Variants in SEMA5B observed in about 807,000 individuals in gnomAD.
The protein encoded by SEMA5B is semaphorin 5B, also known as semaphorin-5B.
A neutral mutation model predicts 135.0 loss-of-function variants in SEMA5B; 66 were observed. That is an observed-to-expected ratio of 0.49 (90% CI 0.40 to 0.60). The LOEUF (loss-of-function observed/expected upper bound fraction) is 0.60, where lower values mean the gene tolerates loss of function less well. SEMA5B is among the 20% of genes least tolerant of loss of function. The pLI, the probability that SEMA5B is intolerant of heterozygous loss-of-function variation, is 0.00. For missense variants in SEMA5B, 1,501 were observed against 1,566.3 expected (o/e 0.96, Z 0.70); for synonymous variants, 690 against 639.5 (o/e 1.08, Z -1.19).
intron 12 of SEMA5B, among the ~76,000 whole-genome samples, chr3:122,919,466 A>G (rs1056430375): frequency 5.5e-4 from 84 of 152,144 alleles, no homozygotes; most frequent in African/African-American, 2.0e-3. Flanking sequence ...GAAAAGAGGC[A>G]GTTGGAGATA....
chr3:122,949,311 G>A (rs545756067), intron 2 of SEMA5B, among the ~76,000 whole-genome samples: 4 of 152,240 alleles, frequency 2.6e-5, no homozygotes, highest in African/African-American at 9.6e-5. Flanking sequence ...TAAGGAAAAT[G>A]ACAAACTAGA....
At chr3:122,968,418 C>T (rs1381610660) in intron 1 of SEMA5B, among the ~76,000 whole-genome samples, 1 of 152,148 alleles carries the variant, frequency 6.6e-6, no homozygotes, top group African/African-American at 2.4e-5. Flanking sequence ...AGGCAATGAA[C>T]CTGAGTCAGA....
Position 122,913,012 on chromosome 3 carries a change from C to T in SEMA5B, c.2556G>A (p.Val852=). 6.2e-7 allele frequency: 1 copy of T among 1,600,864 alleles called. No homozygotes were observed. Among genetic ancestry groups the T allele is most frequent in the Non-Finnish European group, 8.5e-7 (1 of 1,174,088 alleles). Reference sequence around the variant, plus strand: ...GGCCCCAGGCGGCCCAGCCCCCGCTCACCGTGTGCGGGGAGGTGCTCCCGC... The same window carrying T: ...GGCCCCAGGCGGCCCAGCCCCCGCTTACCGTGTGCGGGGAGGTGCTCCCGC... ...LRSGSTSPHT[V]SGGWAAWGPW... is the part of the protein sequence containing the mutation. The change falls in exon 18 of 23, where the codon GTG becomes GTA. Residue 852 remains valine (V), a synonymous_variant. Coordinates refer to ENST00000357599, the MANE Select transcript of SEMA5B (RefSeq NM_001031702.4).
intron 2 of SEMA5B, among the ~76,000 whole-genome samples, chr3:122,954,475 G>A (rs940235886): frequency 7.9e-5 from 12 of 152,192 alleles, no homozygotes; most frequent in Non-Finnish European, 1.0e-4. Flanking sequence ...GTCTGTCCTC[G>A]CCTTCCTCCT....
chr3:122,946,017 A>C (rs987408524), intron 3 of SEMA5B, among the ~76,000 whole-genome samples: 3 of 152,196 alleles, frequency 2.0e-5, no homozygotes, highest in Non-Finnish European at 4.4e-5. Flanking sequence ...CAAGGGGACC[A>C]GAGGGAAGGC....
At chr3:122,911,386 A>C in intron 21 of SEMA5B, 105 bp downstream of exon 21, 1 of 1,555,188 alleles carries the variant, frequency 6.4e-7, no homozygotes, top group Non-Finnish European at 8.7e-7. Flanking sequence ...GGACCCCAAC[A>C]AAGCTTGGCT....
chr3:122,929,768 C>T (rs567473085), intron 5 of SEMA5B, among the ~76,000 whole-genome samples: 9 of 152,318 alleles, frequency 5.9e-5, no homozygotes, highest in East Asian at 5.8e-4. Flanking sequence ...CATGCTCTGC[C>T]GTGGGGTAAT....
chr3:122,948,461 G>T, intron 3 of SEMA5B, 45 bp downstream of exon 3: 1 of 1,525,572 alleles, frequency 6.6e-7, no homozygotes, highest in Non-Finnish European at 9.0e-7. Flanking sequence ...AGTCCTTCAG[G>T]ACACGGCCAT....
chr3:123,019,833 A>C (rs1364910379), intron 1 of SEMA5B, among the ~76,000 whole-genome samples: 4 of 152,176 alleles, frequency 2.6e-5, no homozygotes, highest in Non-Finnish European at 5.9e-5. Flanking sequence ...AAGGGAGCCT[A>C]GGAGTTCCTA....
At chr3:122,911,073 T>C in intron 21 of SEMA5B, 28 bp from the exon 22 acceptor site, 1 of 1,567,540 alleles carries the variant, frequency 6.4e-7, no homozygotes, top group Non-Finnish European at 8.7e-7. Flanking sequence ...GGTAGTAAGA[T>C]GAGGGCCACT....
chr3:122,922,461 C>G lies in SEMA5B; in HGVS notation c.1273-14G>C. 1.9e-6 allele frequency: 3 copies of G among 1,576,162 alleles called. No individual in the cohort carries two copies. In the South Asian group the frequency reaches 3.4e-5, roughly 18 times the overall value. On this transcript the variant is annotated splice_polypyrimidine_tract_variant and intron_variant, in intron 10 of 22. Coordinates refer to ENST00000357599, the MANE Select transcript of SEMA5B (RefSeq NM_001031702.4). ...CAGGGTGCCACACTGCCGCGGGGAGCCAGGTCACGCGCGCCCCGGCCACCA... is the reference window on the plus strand; with the variant it reads ...CAGGGTGCCACACTGCCGCGGGGAGGCAGGTCACGCGCGCCCCGGCCACCA...
At chr3:122,921,551 G>C (rs942749300) in intron 12 of SEMA5B, among the ~76,000 whole-genome samples, 1 of 152,178 alleles carries the variant, frequency 6.6e-6, no homozygotes, top group African/African-American at 2.4e-5. Context: ...TGGCTTCAAA[G>C]ATAAAGAACT....
intron 1 of SEMA5B, among the ~76,000 whole-genome samples, chr3:123,017,909 C>T (rs990573836): frequency 6.8e-6 from 1 of 148,056 alleles, no homozygotes; most frequent in Admixed American, 6.7e-5. Flanking sequence ...GAGACTCCAT[C>T]TCAAAAAAAG....
intron 2 of SEMA5B, among the ~76,000 whole-genome samples, chr3:122,952,987 C>T (rs1940125522): frequency 6.6e-6 from 1 of 152,230 alleles, no homozygotes; most frequent in South Asian, 2.1e-4. Flanking sequence ...GGTTCCCAAA[C>T]CCCCTTCCTA....
chr3:122,961,110 A>T, intron 2 of SEMA5B, 30 bp downstream of exon 2: 1 of 1,575,594 alleles, frequency 6.3e-7, no homozygotes, highest in Non-Finnish European at 8.6e-7. Context: ...TACCTGCTGC[A>T]GCCCCCCACA....
rs1447682629 is a variant in SEMA5B at position 122,923,670 on chromosome 3, C to T, written c.1219G>A (p.Glu407Lys). Residue 407 changes from glutamate to lysine, a missense_variant, in exon 10 of 23, where the codon GAG (glutamate) becomes AAG (lysine). This residue lies in a region of SEMA5B where 574 missense variants were observed against 684.7 expected (regional missense o/e 0.84). Transcript: ENST00000357599. ...GGGAGCCAGGCAGCCCTGGGGTTCT[C>T]CTGGTAGCGAAATGGGCCATTGAAA... ...QAFNGPFRYQENPRAAWLPIA... is the reference protein window; with the variant it reads ...QAFNGPFRYQKNPRAAWLPIA... 1.9e-6 allele frequency: 3 copies of T among 1,613,942 alleles called. No homozygotes were observed. Among genetic ancestry groups the T allele is most frequent in the East Asian group, 2.2e-5 (1 of 44,892 alleles).
chr3:122,985,919 T>C (rs755810566), intron 1 of SEMA5B, among the ~76,000 whole-genome samples: 3 of 152,178 alleles, frequency 2.0e-5, no homozygotes, highest in Non-Finnish European at 4.4e-5. Context: ...TTTAGGCAAA[T>C]CTTCAGTTTT....
chr3:122,963,182 C>T (rs1940662725), intron 1 of SEMA5B, among the ~76,000 whole-genome samples: 1 of 152,192 alleles, frequency 6.6e-6, no homozygotes, highest in Non-Finnish European at 1.5e-5. Context: ...CAAGCCTTTC[C>T]CTCTAAAGTT....
chr3:122,925,769 A>G (rs1013861223), intron 9 of SEMA5B, among the ~76,000 whole-genome samples: 2 of 150,944 alleles, frequency 1.3e-5, no homozygotes, highest in African/African-American at 4.9e-5. Flanking sequence ...AAAGCTGTCC[A>G]GGGCCACATG....
Sources: gnomAD v4.1 joint callset for allele counts (sites outside exome capture counted in the v4.1 genomes callset) on GRCh38, gnomAD v4.1.1 for gene constraint, gnomAD v4.1.1 regional missense constraint, MANE v1.5 for transcripts, NCBI Gene and HGNC (gene_info 2026-07-23, HGNC 2026-07-21) for gene names.